The following GFI1B variants were observed in gnomAD, a reference collection of about 807,000 sequenced individuals.
The protein encoded by GFI1B is zinc finger protein Gfi-1b.
A neutral mutation model predicts 35.3 loss-of-function variants in GFI1B; 20 were observed. The observed-to-expected ratio is 0.57, with a 90% CI of 0.40 to 0.82. The LOEUF is 0.82. Among genes scored for constraint, GFI1B ranks in the 40% least tolerant of loss-of-function variants. GFI1B has a pLI of 0.00. For synonymous variants in GFI1B, 178 were observed against 177.6 expected, an observed-to-expected ratio of 1.00 and a Z score of -0.02; for missense variants, 430 against 446.3, an observed-to-expected ratio of 0.96 and a Z score of 0.33.
chr9:132,990,023 A>G, intron 6 of GFI1B, 116 bp downstream of exon 6: 2 of 874,676 alleles, frequency 2.3e-6, no homozygotes, highest in South Asian at 2.9e-5. Flanking sequence ...ACAAAGTCAA[A>G]GGCCACTGCT....
chr9:132,954,554 A>G (rs1475291644), intron 1 of GFI1B, among the ~76,000 whole-genome samples: 7 of 149,624 alleles, frequency 4.7e-5, no homozygotes, highest in Admixed American at 4.7e-4. Context: ...CAGCCTGGAT[A>G]GCAGAGTAAG....
chr9:132,962,092 A>ACAC (rs56026030), intron 1 of GFI1B, among the ~76,000 whole-genome samples: 2 of 146,986 alleles, frequency 1.4e-5, no homozygotes, highest in Non-Finnish European at 3.0e-5. Context: ...ACACACACAC[A>ACAC]ACCCTACACT....
chr9:132,988,791 A>G (rs1159609989), intron 4 of GFI1B, among the ~76,000 whole-genome samples: 4 of 152,092 alleles, frequency 2.6e-5, no homozygotes, highest in Admixed American at 6.5e-5. Flanking sequence ...GCTCTTAACC[A>G]CTGGGCTATT....
At chr9:132,946,153 A>G (rs1848091818) in intron 1 of GFI1B, among the ~76,000 whole-genome samples, 1 of 152,168 alleles carries the variant, frequency 6.6e-6, no homozygotes, top group Admixed American at 6.5e-5. Flanking sequence ...TAGAGCCACG[A>G]AGGCTTAGGA....
At chr9:132,973,744 A>C (rs1170179030), upstream of GFI1B, among the ~76,000 whole-genome samples, 1 of 152,234 alleles carries the variant, frequency 6.6e-6, no homozygotes, top group African/African-American at 2.4e-5. Context: ...ATGAGAGGAC[A>C]GTTAGAAGGT....
At chr9:132,974,542 C>A (rs1482340281), upstream of GFI1B, among the ~76,000 whole-genome samples, 1 of 131,068 alleles carries the variant, frequency 7.6e-6, no homozygotes, top group Non-Finnish European at 1.5e-5. Context: ...AAGGAGGTTG[C>A]AGTGAGCCGA....
chr9:132,950,633 A>T (rs573808676), intron 1 of GFI1B, among the ~76,000 whole-genome samples: 1 of 117,464 alleles, frequency 8.5e-6, no homozygotes, highest in African/African-American at 3.7e-5. Context: ...ATCTCGGCTC[A>T]CTGCAAGCTC....
chr9:132,979,576 C>G (rs959152275), intron 1 of GFI1B, among the ~76,000 whole-genome samples: 1 of 152,268 alleles, frequency 6.6e-6, no homozygotes, highest in East Asian at 1.9e-4. Context: ...GCGCTCTCCC[C>G]TCCAGAGCCT....
chr9:132,981,273 G>A (rs1848811004), intron 1 of GFI1B, among the ~76,000 whole-genome samples: 1 of 152,170 alleles, frequency 6.6e-6, no homozygotes, highest in Admixed American at 6.5e-5. Flanking sequence ...TGTGAATAGT[G>A]CTGCTATAAA....
intron 1 of GFI1B, among the ~76,000 whole-genome samples, chr9:132,981,530 C>T (rs560801482): frequency 6.6e-6 from 1 of 152,086 alleles, no homozygotes; most frequent in Non-Finnish European, 1.5e-5. Context: ...CCCAGCTACT[C>T]GAGAAGCTAA....
At chr9:132,986,539 C>A in intron 1 of GFI1B, 120 bp from the exon 2 acceptor site, 1 of 697,034 alleles carries the variant, frequency 1.4e-6, no homozygotes, top group Admixed American at 2.0e-5. Context: ...TGGACATGAA[C>A]TTTGGGGGCC....
At chr9:132,967,204 C>G (rs996267499) in intron 1 of GFI1B, among the ~76,000 whole-genome samples, 1 of 152,180 alleles carries the variant, frequency 6.6e-6, no homozygotes, top group African/African-American at 2.4e-5. Flanking sequence ...AAAGCCCTCA[C>G]CAGATGTGGC....
At chr9:132,961,826 C>T (rs890632332) in intron 1 of GFI1B, among the ~76,000 whole-genome samples, 2 of 151,946 alleles carry the variant, frequency 1.3e-5, no homozygotes, top group Non-Finnish European at 2.9e-5. Flanking sequence ...CTCCTGACCT[C>T]GTGATCTGCC....
In GFI1B at chr9:132,991,135, C is replaced by A; in HGVS notation, c.*85C>A. The stretch of plus-strand genomic sequence containing the variant: ...AGCCTCACATGCCCAAATCTCCAGT[C>A]TCCTGGAGGTGGGACTGGACAGGAG... On this transcript the variant is annotated 3_prime_UTR_variant, in exon 7 of 7. Coordinates refer to ENST00000372122, the MANE Select transcript of GFI1B (RefSeq NM_001377304.1). 8.1e-7 allele frequency: 1 copy of A among 1,241,988 alleles called. No homozygotes were observed. The highest frequency in any genetic ancestry group is 1.2e-6 in the Non-Finnish European group (1 of 860,274). 76.9% of individuals were successfully genotyped at this position (1,241,988 alleles called of 1,614,324 possible). A position where few individuals can be genotyped will look rare whatever the true frequency, so the allele number is the denominator to read the frequency against.
chr9:132,946,900 T>C (rs540472778), intron 1 of GFI1B: 1 of 152,556 alleles, frequency 6.6e-6, no homozygotes, highest in East Asian at 1.9e-4. Flanking sequence ...GGAAGAAGAA[T>C]GGGCATTGTT....
rs759753475 is a variant in GFI1B, at chr9:132,990,878, A to G, written c.821A>G (p.Lys274Arg). ...KKHTYIHTGE[K>R]PHKCQVCGKA... The stretch of plus-strand genomic sequence containing the variant: ...TGCGCTGCCCTCCCTGCAGGTGAGA[A>G]GCCGCACAAGTGCCAGGTGTGCGGA... Residue 274 changes from lysine to arginine, a missense_variant, in exon 7 of 7, where the codon AAG becomes AGG. By Grantham distance (26) the Lys-to-Arg change is conservative. Transcript: ENST00000372122. The G allele has an allele frequency of 3.1e-6, 5 of 1,614,198 alleles. No individual in the cohort carries two copies. Among genetic ancestry groups the G allele is most frequent in the South Asian group, 1.1e-5 (1 of 91,090 alleles).
At chr9:132,982,394 C>G (rs1848858266) in intron 1 of GFI1B, among the ~76,000 whole-genome samples, 1 of 152,174 alleles carries the variant, frequency 6.6e-6, no homozygotes, top group South Asian at 2.1e-4. Context: ...GGCCTGTTGA[C>G]CCAAGTCCAA....
chr9:132,970,270 G>A (rs751095662), intron 1 of GFI1B, among the ~76,000 whole-genome samples: 1 of 152,042 alleles, frequency 6.6e-6, no homozygotes, highest in Non-Finnish European at 1.5e-5. Flanking sequence ...CAGGAGACAG[G>A]GCCTCTCCCC....
upstream of GFI1B, among the ~76,000 whole-genome samples, chr9:132,977,035 G>A (rs1014419772): frequency 8.5e-5 from 13 of 152,178 alleles, no homozygotes; most frequent in African/African-American, 2.4e-4. Flanking sequence ...TGGACTCACC[G>A]CAACCTCTGC....
Sources: allele counts gnomAD v4.1 joint callset (sites outside exome capture counted in the v4.1 genomes callset), GRCh38; gene constraint gnomAD v4.1.1; transcripts MANE v1.5; gene names NCBI Gene and HGNC (gene_info 2026-07-23, HGNC 2026-07-21).